Variants in PAIP2 observed in about 807,000 individuals in gnomAD.
The protein encoded by PAIP2 is poly(A) binding protein interacting protein 2.
A neutral mutation model predicts 14.8 loss-of-function variants in PAIP2; 7 were observed. That is an observed-to-expected ratio of 0.47 (90% CI 0.27 to 0.89). PAIP2 has a LOEUF of 0.89. PAIP2 is among the 40% of genes least tolerant of loss of function. The pLI, the probability that PAIP2 is intolerant of heterozygous loss-of-function variation, is 0.13. For missense variants in PAIP2, 122 were observed against 154.7 expected (o/e 0.79, Z 1.12); for synonymous variants, 47 against 45.3 (o/e 1.04, Z -0.15).
intron 3 of PAIP2, among the ~76,000 whole-genome samples, chr5:139,366,868 C>T (rs963959537): frequency 5.9e-5 from 9 of 152,140 alleles, no homozygotes; most frequent in Non-Finnish European, 2.9e-5. Flanking sequence ...CGAGACCAGC[C>T]TGGGCAACAA....
At chr5:139,368,294 C>T (rs544672491) in intron 3 of PAIP2, among the ~76,000 whole-genome samples, 3 of 151,768 alleles carry the variant, frequency 2.0e-5, no homozygotes, top group African/African-American at 2.4e-5. Flanking sequence ...GAGCTGAGAT[C>T]GCGCCACTGC....
intron 1 of PAIP2, among the ~76,000 whole-genome samples, chr5:139,347,268 CTTTTTTTTT>C (rs34018719): frequency 1.9e-5 from 2 of 105,884 alleles, no homozygotes; most frequent in East Asian, 2.8e-4. Context: ...CATGTTACAA[CTTTTTTTTT>C]TTTTTTTTTT....
rs1401758390 is a variant in PAIP2 at position 139,364,751 on chromosome 5, GT to G, written c.318+10del. On this transcript the variant is annotated intron_variant, in intron 3 of 3. Transcript: ENST00000265192. ...TCTCTGGAAGATCTTGTGGTAAAAA[GT>G]TATTTTTCATCTTTTTAAAACCTAG... 3.8e-6 allele frequency: 6 copies of G among 1,580,304 alleles called. 1 individual carries two copies. The highest frequency in any genetic ancestry group is 1.7e-4 in the Middle Eastern group (1 of 5,978).
intron 1 of PAIP2, 62 bp from the exon 2 acceptor site, chr5:139,363,697 T>A: frequency 6.9e-7 from 1 of 1,453,802 alleles, no homozygotes; most frequent in South Asian, 1.3e-5. Flanking sequence ...AGTGAAACCT[T>A]GTCTCAGAAA....
chr5:139,363,715 C>G, intron 1 of PAIP2, 44 bp from the exon 2 acceptor site: 2 of 1,556,430 alleles, frequency 1.3e-6, no homozygotes, highest in Non-Finnish European at 1.7e-6. Context: ...AAAGAAAAAA[C>G]CCTGAATGAG....
chr5:139,367,186 G>A (rs1011448491), intron 3 of PAIP2: 3 of 152,150 alleles, frequency 2.0e-5, no homozygotes, highest in Non-Finnish European at 4.4e-5. Flanking sequence ...TATAAATTAC[G>A]AAACTAAAAT....
At position 139,361,575 on chromosome 5, in the gene PAIP2, T is replaced by C. The variant is rs1035058665; in HGVS notation, c.-26-2184T>C. 3.3e-5 allele frequency among the ~76,000 whole-genome samples: 5 copies of C among 152,264 alleles called. No homozygotes were observed. In the South Asian group the frequency reaches 8.3e-4, roughly 25 times the overall value. ...AGATATTTAGCCTGCAATGTATCAA[T>C]TAGGTTAGATCATGTTATCAGCTAT... On this transcript the variant is annotated intron_variant, in intron 1 of 3. Coordinates refer to ENST00000265192, the MANE Select transcript of PAIP2 (RefSeq NM_016480.5).
At chr5:139,360,527 C>T (rs997451563) in intron 1 of PAIP2, among the ~76,000 whole-genome samples, 1 of 151,990 alleles carries the variant, frequency 6.6e-6, no homozygotes, top group Non-Finnish European at 1.5e-5. Context: ...GGGTCTTGCT[C>T]TGCCGCCCAG....
chr5:139,356,866 G>A (rs1310382894), intron 1 of PAIP2, among the ~76,000 whole-genome samples: 4 of 143,268 alleles, frequency 2.8e-5, no homozygotes, highest in Non-Finnish European at 6.0e-5. Flanking sequence ...CAGCCTGAGT[G>A]ACAGAGCAAG....
In PAIP2 at chr5:139,363,942, A is replaced by T. The variant is rs552998100; in HGVS notation, c.138+20A>T. The T allele has an allele frequency of 1.9e-6, 3 of 1,607,788 alleles. No individual in the cohort carries two copies. The highest frequency in any genetic ancestry group is 2.6e-6 in the Non-Finnish European group (3 of 1,174,526). ...AGACAAGTTAGTTTTTTGTACAAAC[A>T]TGTTTTTATAGTCCATTCTGGCCCT... is the stretch of plus-strand genomic sequence containing the variant. On this transcript the variant is annotated intron_variant, in intron 2 of 3. Coordinates refer to ENST00000265192, the MANE Select transcript of PAIP2 (RefSeq NM_016480.5).
intron 3 of PAIP2, among the ~76,000 whole-genome samples, chr5:139,366,715 A>G (rs947681000): frequency 5.9e-5 from 9 of 152,140 alleles, no homozygotes; most frequent in African/African-American, 1.4e-4. Context: ...TTCTCAGTCT[A>G]TTTGATATTA....
Position 139,363,819 on chromosome 5 carries a change from G to A in PAIP2, c.35G>A (p.Ser12Asn). 1 of 1,614,110 alleles carries A rather than the reference G, an allele frequency of 6.2e-7. No homozygotes were observed. The highest frequency in any genetic ancestry group is 8.5e-7 in the Non-Finnish European group (1 of 1,179,972). The stretch of plus-strand genomic sequence containing the variant: ...CCAAGTCGCAGCAGTACTAGCCCAA[G>A]CATCATCAATGAAGATGTGATTATT... ...KDPSRSSTSP[S>N]IINEDVIING... Residue 12 changes from serine (S) to asparagine (N), a missense_variant, in exon 2 of 4, where the codon AGC (serine) becomes AAC (asparagine). Around this residue, in one of 3 missense-constraint regions of PAIP2, gnomAD observed 42 missense variants for 36.7 expected, o/e 1.15. Coordinates refer to ENST00000265192, the MANE Select transcript of PAIP2 (RefSeq NM_016480.5).
intron 3 of PAIP2, among the ~76,000 whole-genome samples, chr5:139,366,295 A>T (rs971280933): frequency 6.6e-6 from 1 of 151,956 alleles, no homozygotes; most frequent in Non-Finnish European, 1.5e-5. Flanking sequence ...CACTGAACTA[A>T]TCTGTACACC....
chr5:139,346,205 A>T (rs752981809), intron 1 of PAIP2, among the ~76,000 whole-genome samples: 1 of 152,162 alleles, frequency 6.6e-6, no homozygotes, highest in Non-Finnish European at 1.5e-5. Context: ...TGAATTTGTT[A>T]AAACATCTTA....
At chr5:139,349,124 A>G (rs1756648372) in intron 1 of PAIP2, among the ~76,000 whole-genome samples, 1 of 152,204 alleles carries the variant, frequency 6.6e-6, no homozygotes, top group African/African-American at 2.4e-5. Flanking sequence ...TTGGGGAGGG[A>G]AGAAGTGTGT....
intron 1 of PAIP2, among the ~76,000 whole-genome samples, chr5:139,357,661 C>T (rs577329581): frequency 5.3e-5 from 8 of 152,134 alleles, no homozygotes; most frequent in African/African-American, 1.2e-4. Context: ...TGAAACCCCG[C>T]CTCTACTAAA....
intron 1 of PAIP2, among the ~76,000 whole-genome samples, chr5:139,361,341 T>C (rs1757062197): frequency 6.6e-6 from 1 of 152,004 alleles, no homozygotes; most frequent in East Asian, 1.9e-4. Flanking sequence ...GGGAAAAAAA[T>C]ACATATATTT....
chr5:139,366,199 C>T (rs1437203030), intron 3 of PAIP2, among the ~76,000 whole-genome samples: 1 of 121,408 alleles, frequency 8.2e-6, no homozygotes, highest in African/African-American at 3.2e-5. Flanking sequence ...TGAGACTCCA[C>T]CTCAAAAAAA....
chr5:139,354,913 A>G (rs558110170), intron 1 of PAIP2, among the ~76,000 whole-genome samples: 2 of 145,784 alleles, frequency 1.4e-5, no homozygotes, highest in Non-Finnish European at 3.0e-5. Flanking sequence ...CTCCACCTCC[A>G]GGTTCAAGCG....
Sources: allele counts gnomAD v4.1 joint callset (sites outside exome capture counted in the v4.1 genomes callset), GRCh38; gene constraint gnomAD v4.1.1; regional missense constraint gnomAD v4.1.1; transcripts MANE v1.5; gene names NCBI Gene and HGNC (gene_info 2026-07-23, HGNC 2026-07-21).